Variants in STXBP5 observed in about 807,000 individuals in gnomAD.
STXBP5 encodes the protein syntaxin binding protein 5, also known as syntaxin-binding protein 5.
Under a neutral mutation model 152.4 loss-of-function variants are expected in STXBP5, and 50 were observed. The ratio of observed to expected loss-of-function variants is 0.33; its 90% confidence interval spans 0.26 to 0.42. The LOEUF (loss-of-function observed/expected upper bound fraction) is 0.42, where lower values mean the gene tolerates loss of function less well. STXBP5 is among the 10% of genes least tolerant of loss of function. The pLI is 1.00. For synonymous variants in STXBP5, 492 were observed against 494.7 expected, an observed-to-expected ratio of 0.99 and a Z score of 0.07; for missense variants, 1,167 against 1,388.6, an observed-to-expected ratio of 0.84 and a Z score of 2.54.
At chr6:147,363,797 G>A in intron 24 of STXBP5, 93 bp downstream of exon 24, 3 of 1,490,260 alleles carry the variant, frequency 2.0e-6, no homozygotes, top group Non-Finnish European at 2.7e-6. Context: ...TTTTGTGTGT[G>A]TATAGTCTTA....
At chr6:147,272,760 C>A (rs1237517057) in intron 7 of STXBP5, among the ~76,000 whole-genome samples, 1 of 152,128 alleles carries the variant, frequency 6.6e-6, no homozygotes, top group Non-Finnish European at 1.5e-5. Flanking sequence ...AAGTTCTACT[C>A]AGTACAGCTT....
chr6:147,370,044 A>G (rs960117945), intron 25 of STXBP5, among the ~76,000 whole-genome samples: 2 of 152,096 alleles, frequency 1.3e-5, no homozygotes, highest in Non-Finnish European at 2.9e-5. Flanking sequence ...ATTGCAGTTT[A>G]TCATACAGTA....
chr6:147,236,217 T>C (rs748926085), intron 3 of STXBP5, among the ~76,000 whole-genome samples: 6 of 152,172 alleles, frequency 3.9e-5, no homozygotes, highest in Non-Finnish European at 7.4e-5. Context: ...TCCAAATAAT[T>C]TGCAGTTGTC....
At position 147,280,582 on chromosome 6, in the gene STXBP5, T is replaced by G. The variant is rs1297412765; in HGVS notation, c.838+2378T>G. On this transcript the variant is annotated intron_variant, in intron 8 of 27. Transcript: ENST00000321680. Reference sequence around the variant, plus strand: ...CTTCATCAAACTTTTCCCCTTTAGTTTTAGCATCTGTTGATGTTTCTTAGC... The same window carrying G: ...CTTCATCAAACTTTTCCCCTTTAGTGTTAGCATCTGTTGATGTTTCTTAGC... Among the ~76,000 whole-genome samples the G allele has an allele frequency of 3.9e-5, 6 of 152,214 alleles. No individual in the cohort carries two copies. The East Asian group carries it at 1.2e-3, about 29-fold the overall frequency.
At chr6:147,224,979 A>C (rs981974473) in intron 2 of STXBP5, among the ~76,000 whole-genome samples, 3 of 152,200 alleles carry the variant, frequency 2.0e-5, no homozygotes, top group African/African-American at 4.8e-5. Context: ...CTTTTTATTC[A>C]GAGTAGTAAG....
rs749532742 is a variant in STXBP5 at position 147,363,363 on chromosome 6, C to A, written c.2574C>A (p.Ile858=). Reference sequence around the variant, plus strand: ...CTATATTGAGGTTAAAAGGTGCAATCTTGAGAATGGCATTTCTGGATACCA... The same window carrying A: ...CTATATTGAGGTTAAAAGGTGCAATATTGAGAATGGCATTTCTGGATACCA... ...SGTILRLKGA[I]LRMAFLDTTG... is the part of the protein sequence containing the mutation. The change falls in exon 24 of 28, where the codon ATC becomes ATA. Residue 858 remains isoleucine, a synonymous_variant. Coordinates refer to ENST00000321680, the MANE Select transcript of STXBP5 (RefSeq NM_001127715.4). 4 of 1,606,848 alleles carry A rather than the reference C, an allele frequency of 2.5e-6. No individual in the cohort carries two copies. The Admixed American group carries it at 5.1e-5, about 21-fold the overall frequency.
intron 7 of STXBP5, among the ~76,000 whole-genome samples, chr6:147,276,645 T>A (rs982279211): frequency 6.6e-6 from 1 of 152,136 alleles, no homozygotes; most frequent in Admixed American, 6.5e-5. Flanking sequence ...TTTTTAGCAC[T>A]GCTCATGTTT....
chr6:147,310,902 G>A (rs189420026), intron 10 of STXBP5, among the ~76,000 whole-genome samples: 151 of 151,994 alleles, frequency 9.9e-4, no homozygotes, highest in African/African-American at 3.5e-3. Flanking sequence ...GCAATGTCTA[G>A]ACTGGTATTT....
At chr6:147,265,901 C>T (rs1779870544) in intron 6 of STXBP5, among the ~76,000 whole-genome samples, 1 of 151,436 alleles carries the variant, frequency 6.6e-6, no homozygotes, top group South Asian at 2.1e-4. Flanking sequence ...GTGTGGTGAT[C>T]CTTCGAATTA....
intron 4 of STXBP5, among the ~76,000 whole-genome samples, chr6:147,257,241 A>G (rs763263857): frequency 6.6e-6 from 1 of 151,222 alleles, no homozygotes; most frequent in Non-Finnish European, 1.5e-5. Context: ...AGGGGATTCA[A>G]CTTCATTATC....
rs968199877 is a variant in STXBP5 at position 147,329,677 on chromosome 6, C to G, written c.2080+2401C>G. On this transcript the variant is annotated intron_variant, in intron 18 of 27. Transcript: ENST00000321680. The stretch of plus-strand genomic sequence containing the variant: ...GTCTCGCTCTTTCGCCCAGGCTGGA[C>G]TGCAGTGGCGCTGTCTTGGCTCACT... Among the ~76,000 whole-genome samples, 6 of 113,056 alleles carry G rather than the reference C, an allele frequency of 5.3e-5. No individual in the cohort carries two copies. The South Asian group carries it at 9.0e-4, about 17-fold the overall frequency. 74.2% of individuals were successfully genotyped at this position (113,056 alleles called of 152,430 possible).
At position 147,384,879 on chromosome 6, in the gene STXBP5, A is replaced by G; in HGVS notation, c.*124A>G. 1 of 977,636 alleles carries G rather than the reference A, an allele frequency of 1.0e-6. No individual in the cohort carries two copies. The allele number at this position is 977,636 out of a possible 1,614,324, so 60.6% of individuals were successfully genotyped here. ...ACTGAATACTGTTCTTTCCTAGCAC[A>G]GTCATGCACTGTTTTACCTCAGTCA... On this transcript the variant is annotated 3_prime_UTR_variant, in exon 28 of 28. Transcript: ENST00000321680.
chr6:147,303,628 G>A (rs7760354), intron 9 of STXBP5, among the ~76,000 whole-genome samples: 51 of 152,270 alleles, frequency 3.3e-4, no homozygotes, highest in African/African-American at 5.3e-4. Context: ...TGGAGGGTTC[G>A]GAAGAAGACA....
intron 18 of STXBP5, 52 bp from the exon 19 acceptor site, chr6:147,334,105 C>T: frequency 6.4e-7 from 1 of 1,564,144 alleles, no homozygotes; most frequent in Non-Finnish European, 8.7e-7. Context: ...AAAGACAAAA[C>T]TGCACTTACA....
At chr6:147,375,929 C>T (rs927499001) in intron 26 of STXBP5, among the ~76,000 whole-genome samples, 7 of 151,908 alleles carry the variant, frequency 4.6e-5, no homozygotes, top group Non-Finnish European at 7.4e-5. Context: ...TAATTCTATA[C>T]GCAAAAATTC....
chr6:147,369,634 A>C (rs1214119890), intron 25 of STXBP5, among the ~76,000 whole-genome samples: 1 of 152,010 alleles, frequency 6.6e-6, no homozygotes, highest in African/African-American at 2.4e-5. Flanking sequence ...AAACAACCCA[A>C]TAAAAACATA....
intron 21 of STXBP5, among the ~76,000 whole-genome samples, chr6:147,344,657 C>A (rs368312454): frequency 2.6e-5 from 4 of 152,162 alleles, no homozygotes; most frequent in Non-Finnish European, 5.9e-5. Flanking sequence ...TTATAAGAAC[C>A]AATCAAATTG....
intron 18 of STXBP5, among the ~76,000 whole-genome samples, chr6:147,330,951 A>C (rs1275314121): frequency 6.6e-6 from 1 of 152,204 alleles, no homozygotes; most frequent in Non-Finnish European, 1.5e-5. Flanking sequence ...TTTGTGCTGC[A>C]ACAGAACAGC....
chr6:147,335,426 A>G (rs924389502), intron 19 of STXBP5, among the ~76,000 whole-genome samples: 5 of 152,296 alleles, frequency 3.3e-5, no homozygotes, highest in Middle Eastern at 3.4e-3. Flanking sequence ...TATGTTAAGG[A>G]TATAAGCCAG....
Sources: gnomAD v4.1 joint callset for allele counts (sites outside exome capture counted in the v4.1 genomes callset) on GRCh38, gnomAD v4.1.1 for gene constraint, MANE v1.5 for transcripts, NCBI Gene and HGNC (gene_info 2026-07-23, HGNC 2026-07-21) for gene names.